The following CRIM1 variants were observed in gnomAD, a reference collection of about 807,000 sequenced individuals.
CRIM1 encodes cysteine-rich motor neuron 1 protein.
In CRIM1, 32 loss-of-function variants were observed where a neutral mutation model predicts 116.4. That is an observed-to-expected ratio of 0.27 (90% CI 0.21 to 0.37). CRIM1 has a LOEUF of 0.37. Among genes scored for constraint, CRIM1 ranks in the 10% least tolerant of loss-of-function variants. CRIM1 has a pLI of 1.00. For synonymous variants in CRIM1, 590 were observed against 509.2 expected (o/e 1.16, Z -2.13); for missense variants, 1,331 against 1,354.8 (o/e 0.98, Z 0.28).
intron 1 of CRIM1, chr2:36,378,810 T>TTG (rs1456284965): frequency 6.7e-6 from 1 of 149,396 alleles, no homozygotes; most frequent in Non-Finnish European, 1.5e-5. Flanking sequence ...TTTTCGGTTT[T>TTG]TTTTTTTTTT....
intron 12 of CRIM1, among the ~76,000 whole-genome samples, chr2:36,519,212 G>T (rs1310602981): frequency 6.6e-6 from 1 of 152,174 alleles, no homozygotes; most frequent in Non-Finnish European, 1.5e-5. Flanking sequence ...TGAACTCAGA[G>T]GTTCCACCCA....
At chr2:36,369,930 AC>A (rs967866943) in intron 1 of CRIM1, among the ~76,000 whole-genome samples, 46 of 152,366 alleles carry the variant, frequency 3.0e-4, no homozygotes, top group African/African-American at 1.1e-3. Context: ...CACAACACAG[AC>A]AAAGAATACC....
intron 14 of CRIM1, among the ~76,000 whole-genome samples, chr2:36,542,708 G>C (rs1356893791): frequency 6.6e-6 from 1 of 152,186 alleles, no homozygotes; most frequent in East Asian, 1.9e-4. Context: ...GGCAGGGGAG[G>C]GGCAGAAGGG....
chr2:36,415,520 C>T (rs922143337), intron 2 of CRIM1, among the ~76,000 whole-genome samples: 2 of 152,322 alleles, frequency 1.3e-5, no homozygotes, highest in Admixed American at 1.3e-4. Context: ...GGGATGTCAA[C>T]ACAACCCATA....
chr2:36,546,162 T>C (rs1407372776), intron 15 of CRIM1, among the ~76,000 whole-genome samples: 3 of 152,190 alleles, frequency 2.0e-5, no homozygotes, highest in African/African-American at 4.8e-5. Context: ...TTTAACTAAA[T>C]TGATTTTTAA....
chr2:36,403,551 C>G (rs1331693579), intron 2 of CRIM1, among the ~76,000 whole-genome samples: 1 of 151,946 alleles, frequency 6.6e-6, no homozygotes, highest in Non-Finnish European at 1.5e-5. Context: ...TTAAGAGCAG[C>G]CTTGGATAGA....
In CRIM1 at chr2:36,550,572, AATTT is replaced by A. The variant is rs1283729941; in HGVS notation, c.*1875_*1878del. On this transcript the variant is annotated 3_prime_UTR_variant, in exon 17 of 17. Transcript: ENST00000280527. ...AATTAATTTATTATTATAATGACCT[AATTT>A]ATTAATCTGAAGATTAACCATTTTT... 6.6e-6 allele frequency: 1 copy of A among 152,454 alleles called. No individual in the cohort carries two copies. The highest frequency in any genetic ancestry group is 1.5e-5 in the Non-Finnish European group (1 of 68,014). 9.4% of individuals were successfully genotyped at this position (152,454 alleles called of 1,614,324 possible).
At chr2:36,512,471 A>G in intron 10 of CRIM1, 77 bp downstream of exon 10, 1 of 1,496,252 alleles carries the variant, frequency 6.7e-7, no homozygotes, top group Non-Finnish European at 9.1e-7. Flanking sequence ...ACACCCTGTA[A>G]TGAAATGGTT....
intron 4 of CRIM1, among the ~76,000 whole-genome samples, chr2:36,453,390 T>G (rs147907311): frequency 6.6e-5 from 10 of 152,344 alleles, no homozygotes; most frequent in African/African-American, 2.2e-4. Flanking sequence ...GGACTTTGAT[T>G]TCCATAGCTA....
intron 2 of CRIM1, among the ~76,000 whole-genome samples, chr2:36,436,655 T>A (rs1215562040): frequency 6.6e-6 from 1 of 152,176 alleles, no homozygotes; most frequent in Non-Finnish European, 1.5e-5. Flanking sequence ...ACAGAGGATA[T>A]ATGTTCTTTT....
intron 2 of CRIM1, among the ~76,000 whole-genome samples, chr2:36,434,954 C>T (rs939847174): frequency 6.6e-5 from 10 of 152,126 alleles, no homozygotes; most frequent in Admixed American, 1.3e-4. Context: ...TTCCTTCACT[C>T]GCCTGGTGAC....
chr2:36,374,657 A>G (rs1249715489), intron 1 of CRIM1, among the ~76,000 whole-genome samples: 3 of 152,012 alleles, frequency 2.0e-5, no homozygotes, highest in Admixed American at 6.6e-5. Flanking sequence ...TCTTTTCCAT[A>G]CTACTTAAAA....
intron 4 of CRIM1, among the ~76,000 whole-genome samples, chr2:36,447,121 A>T (rs181318043): frequency 6.6e-6 from 1 of 152,208 alleles, no homozygotes; most frequent in African/African-American, 2.4e-5. Flanking sequence ...CTTTAATTCT[A>T]TGAGGAATTT....
chr2:36,377,657 T>G (rs921969254), intron 1 of CRIM1, among the ~76,000 whole-genome samples: 6 of 152,232 alleles, frequency 3.9e-5, no homozygotes, highest in Non-Finnish European at 8.8e-5. Context: ...AAGCACACAG[T>G]AAATGTACAT....
chr2:36,396,487 C>A, intron 1 of CRIM1, 127 bp from the exon 2 acceptor site: 1 of 566,220 alleles, frequency 1.8e-6, no homozygotes, highest in Non-Finnish European at 3.0e-6. Context: ...TTCAGCCAGA[C>A]TGCCTTTCAC....
intron 2 of CRIM1, among the ~76,000 whole-genome samples, chr2:36,400,409 A>C (rs911529946): frequency 1.3e-5 from 2 of 152,160 alleles, no homozygotes. Flanking sequence ...TCTACCAATG[A>C]TGAAGATGCC....
chr2:36,465,684 GA>G (rs1452829655), intron 5 of CRIM1, among the ~76,000 whole-genome samples: 1 of 152,088 alleles, frequency 6.6e-6, no homozygotes, highest in Non-Finnish European at 1.5e-5. Flanking sequence ...TTATGGTTAA[GA>G]AAGAACACAG....
At chr2:36,511,252 A>T (rs1400538691) in intron 9 of CRIM1, among the ~76,000 whole-genome samples, 1 of 152,074 alleles carries the variant, frequency 6.6e-6, no homozygotes, top group Non-Finnish European at 1.5e-5. Context: ...AGTGCTAGTA[A>T]TTATAAGGGA....
chr2:36,393,679 G>C lies in CRIM1; in HGVS notation c.332-2935G>C, dbSNP rs181981198. ...CAGGTAGAGAAGGCTTCTCAAAAGAGGTAACATCTGAGCTAGGTTTTGAAG... is the reference window on the plus strand; with the variant it reads ...CAGGTAGAGAAGGCTTCTCAAAAGACGTAACATCTGAGCTAGGTTTTGAAG... On this transcript the variant is annotated intron_variant, in intron 1 of 16. Coordinates refer to ENST00000280527, the MANE Select transcript of CRIM1 (RefSeq NM_016441.3). Among the ~76,000 whole-genome samples the C allele has an allele frequency of 2.6e-5, 4 of 152,174 alleles. No homozygotes were observed. In the East Asian group the frequency reaches 7.7e-4, roughly 29 times the overall value.
Sources: allele counts gnomAD v4.1 joint callset (sites outside exome capture counted in the v4.1 genomes callset), GRCh38; gene constraint gnomAD v4.1.1; transcripts MANE v1.5; gene names NCBI Gene and HGNC (gene_info 2026-07-23, HGNC 2026-07-21).